Variants in MYRIP observed in about 807,000 individuals in gnomAD.
The protein encoded by MYRIP is rab effector MyRIP.
MYRIP carries 49 observed loss-of-function variants against 98.0 expected under a neutral mutation model. The ratio of observed to expected loss-of-function variants is 0.50; its 90% CI spans 0.40 to 0.63. The LOEUF (loss-of-function observed/expected upper bound fraction) is 0.63, where lower values mean the gene tolerates loss of function less well. Among genes scored for constraint, MYRIP ranks in the 30% least tolerant of loss-of-function variants. The pLI is 0.00. For synonymous variants in MYRIP, 404 were observed against 409.5 expected (o/e 0.99, Z 0.16); for missense variants, 1,004 against 1,058.2 (o/e 0.95, Z 0.71).
At chr3:40,182,503 A>G in intron 9 of MYRIP, 130 bp downstream of exon 9, 1 of 1,080,412 alleles carries the variant, frequency 9.3e-7, no homozygotes, top group Non-Finnish European at 1.3e-6. Flanking sequence ...CCTCTGGGCT[A>G]CCAAGTCATG....
intron 2 of MYRIP, among the ~76,000 whole-genome samples, chr3:40,017,103 A>G (rs764815921): frequency 1.3e-5 from 2 of 152,236 alleles, no homozygotes; most frequent in Non-Finnish European, 2.9e-5. Context: ...TTAACAAAAT[A>G]TTGGATACCT....
At chr3:40,140,500 C>T (rs1949868219) in intron 3 of MYRIP, among the ~76,000 whole-genome samples, 1 of 152,168 alleles carries the variant, frequency 6.6e-6, no homozygotes, top group South Asian at 2.1e-4. Flanking sequence ...TTCTGAATCA[C>T]ATGATAGTTC....
At chr3:40,008,166 T>C (rs1316241244) in intron 2 of MYRIP, among the ~76,000 whole-genome samples, 2 of 152,222 alleles carry the variant, frequency 1.3e-5, no homozygotes, top group African/African-American at 2.4e-5. Context: ...TGGTTTTGTC[T>C]TTTCTTGGCT....
intron 1 of MYRIP, among the ~76,000 whole-genome samples, chr3:39,859,305 C>A (rs1267189555): frequency 2.0e-5 from 3 of 152,070 alleles, no homozygotes; most frequent in Non-Finnish European, 4.4e-5. Flanking sequence ...TAGGAACATA[C>A]AACCGGCCAT....
intron 2 of MYRIP, among the ~76,000 whole-genome samples, chr3:39,907,138 T>A (rs1486232984): frequency 6.6e-6 from 1 of 152,176 alleles, no homozygotes; most frequent in East Asian, 1.9e-4. Flanking sequence ...TGGTTTAGTG[T>A]TCATCATCAA....
intron 3 of MYRIP, among the ~76,000 whole-genome samples, chr3:40,077,353 G>A (rs1948370048): frequency 6.6e-6 from 1 of 152,178 alleles, no homozygotes; most frequent in Non-Finnish European, 1.5e-5. Flanking sequence ...CCTGCTGATT[G>A]GTAGAGCCTA....
intron 3 of MYRIP, among the ~76,000 whole-genome samples, chr3:40,093,986 T>C (rs919022289): frequency 6.6e-6 from 1 of 152,144 alleles, no homozygotes; most frequent in Non-Finnish European, 1.5e-5. Flanking sequence ...CCTACTTTCC[T>C]GTTACCTCCT....
At chr3:40,250,639 G>A in intron 15 of MYRIP, 140 bp downstream of exon 15, 2 of 1,020,646 alleles carry the variant, frequency 2.0e-6, no homozygotes, top group Admixed American at 2.3e-5. Flanking sequence ...CTTGATTTGG[G>A]TCCCCCCAGA....
chr3:40,182,560 C>T (rs1280609476), intron 9 of MYRIP, among the ~76,000 whole-genome samples, 187 bp downstream of exon 9: 2 of 152,202 alleles, frequency 1.3e-5, no homozygotes, highest in Admixed American at 6.5e-5. Flanking sequence ...ATGTTCTCCA[C>T]CCAGGCAGTT....
chr3:40,096,576 G>T (rs983812105), intron 3 of MYRIP, among the ~76,000 whole-genome samples: 3 of 152,182 alleles, frequency 2.0e-5, no homozygotes, highest in Admixed American at 6.5e-5. Flanking sequence ...GTCTGTTTCA[G>T]CTCTGGATAC....
intron 2 of MYRIP, among the ~76,000 whole-genome samples, chr3:40,001,880 T>C (rs1419516796): frequency 6.6e-6 from 1 of 152,130 alleles, no homozygotes; most frequent in Non-Finnish European, 1.5e-5. Flanking sequence ...ATAGATTCAA[T>C]AGACTCTGGT....
In MYRIP at chr3:40,051,710, A is replaced by T. The variant is rs966981568; in HGVS notation, c.332+7439A>T. Among the ~76,000 whole-genome samples, 11 of 152,230 alleles carry T rather than the reference A, an allele frequency of 7.2e-5. 1 individual carries two copies. Among genetic ancestry groups the T allele is most frequent in the Admixed American group, 1.3e-4 (2 of 15,282 alleles). ...ACTGAAATCAAAACACAGCTCATTAAGCTTGTGGCATTTGCTTTGGTTTTT... is the reference window on the plus strand; with the variant it reads ...ACTGAAATCAAAACACAGCTCATTATGCTTGTGGCATTTGCTTTGGTTTTT... On this transcript the variant is annotated intron_variant, in intron 3 of 16. Coordinates refer to ENST00000302541, the MANE Select transcript of MYRIP (RefSeq NM_015460.4).
chr3:40,136,485 A>G (rs1194554232), intron 3 of MYRIP, among the ~76,000 whole-genome samples: 1 of 152,216 alleles, frequency 6.6e-6, no homozygotes, highest in Non-Finnish European at 1.5e-5. Context: ...TGAGACAGAA[A>G]GTTAACAAGG....
chr3:40,054,647 T>C (rs533316027), intron 3 of MYRIP, among the ~76,000 whole-genome samples: 21 of 152,144 alleles, frequency 1.4e-4, no homozygotes, highest in Non-Finnish European at 2.5e-4. Flanking sequence ...GCAGTCTGCC[T>C]TCAAACTCAA....
intron 2 of MYRIP, among the ~76,000 whole-genome samples, chr3:40,028,322 G>A (rs958393809): frequency 6.6e-6 from 1 of 152,146 alleles, no homozygotes; most frequent in South Asian, 2.1e-4. Flanking sequence ...CATCTTTAGG[G>A]AAATGCAAAT....
chr3:40,034,987 A>T (rs1290066605), intron 2 of MYRIP, among the ~76,000 whole-genome samples: 2 of 148,282 alleles, frequency 1.3e-5, no homozygotes, highest in East Asian at 4.0e-4. Flanking sequence ...AAAACCAAAC[A>T]CCGCATGTTC....
intron 3 of MYRIP, among the ~76,000 whole-genome samples, chr3:40,069,136 G>A (rs1948175644): frequency 6.6e-6 from 1 of 152,148 alleles, no homozygotes; most frequent in African/African-American, 2.4e-5. Context: ...TGTAGTCTCA[G>A]AAGTGGGTTC....
At chr3:39,904,588 T>C (rs905923441) in intron 2 of MYRIP, among the ~76,000 whole-genome samples, 1 of 152,118 alleles carries the variant, frequency 6.6e-6, no homozygotes, top group Non-Finnish European at 1.5e-5. Context: ...GTGATATTGT[T>C]ACCCATATGG....
chr3:40,075,788 A>G (rs918273613), intron 3 of MYRIP, among the ~76,000 whole-genome samples: 1 of 152,136 alleles, frequency 6.6e-6, no homozygotes, highest in Non-Finnish European at 1.5e-5. Context: ...GGTGGGGGAA[A>G]AGCATAGAAA....
Sources: allele counts gnomAD v4.1 joint callset (sites outside exome capture counted in the v4.1 genomes callset), GRCh38; gene constraint gnomAD v4.1.1; transcripts MANE v1.5; gene names NCBI Gene and HGNC (gene_info 2026-07-23, HGNC 2026-07-21).